LARP1: variants seen among roughly 807,000 people sequenced by gnomAD.
LARP1 encodes la-related protein 1.
LARP1 carries 36 observed loss-of-function variants against 122.7 expected under a neutral mutation model. The ratio of observed to expected loss-of-function variants is 0.29; its 90% CI spans 0.22 to 0.39. The LOEUF (loss-of-function observed/expected upper bound fraction) is 0.39, where lower values mean the gene tolerates loss of function less well. Among genes scored for constraint, LARP1 ranks in the 10% least tolerant of loss-of-function variants. LARP1 has a pLI of 1.00. For missense variants in LARP1, 1,040 were observed against 1,403.6 expected, an observed-to-expected ratio of 0.74 and a Z score of 4.14; for synonymous variants, 539 against 528.7, an observed-to-expected ratio of 1.02 and a Z score of -0.27.
At chr5:154,794,810 C>G (rs1287790118) in intron 7 of LARP1, among the ~76,000 whole-genome samples, 1 of 152,208 alleles carries the variant, frequency 6.6e-6, no homozygotes, top group Non-Finnish European at 1.5e-5. Flanking sequence ...TATATTGTCT[C>G]TCAGTCCAGT....
Position 154,755,630 on chromosome 5 carries a change from A to G in LARP1, c.-128A>G. 1 of 982,970 alleles carries G rather than the reference A, an allele frequency of 1.0e-6. No individual in the cohort carries two copies. Among genetic ancestry groups the G allele is most frequent in the Non-Finnish European group, 1.2e-6 (1 of 828,674 alleles). The allele number at this position is 982,970 out of a possible 1,614,324, so 60.9% of individuals were successfully genotyped here. On this transcript the variant is annotated 5_prime_UTR_variant, in exon 1 of 19. Transcript: ENST00000518297. Reference sequence around the variant, plus strand: ...GGGGCCGCACCTCGCGTGAACCCCGACCCTTCTCTGCAGGGACTGGGGCCC... The same window carrying G: ...GGGGCCGCACCTCGCGTGAACCCCGGCCCTTCTCTGCAGGGACTGGGGCCC...
At chr5:154,744,670 C>A (rs1238060285) in intron 1 of LARP1, among the ~76,000 whole-genome samples, 3 of 80,836 alleles carry the variant, frequency 3.7e-5, no homozygotes, top group African/African-American at 1.9e-4. Context: ...CGGAGTCTCG[C>A]TCTGTCGCCC....
chr5:154,701,162 T>C (rs1007260492), intron 1 of LARP1, among the ~76,000 whole-genome samples: 1 of 152,128 alleles, frequency 6.6e-6, no homozygotes, highest in African/African-American at 2.4e-5. Context: ...TTGTCTTAAT[T>C]TAGTGCCAAT....
rs1053940902 is a variant in LARP1, at chr5:154,755,540, G to A, written c.-218G>A. The A allele has an allele frequency of 1.0e-6, 1 of 987,084 alleles. No homozygotes were observed. The highest frequency in any genetic ancestry group is 1.2e-6 in the Non-Finnish European group (1 of 829,842). The allele number at this position is 987,084 out of a possible 1,614,324, so 61.1% of individuals were successfully genotyped here. Reference sequence around the variant, plus strand: ...AGGAGGCCTGGACTGCAGAGTGGGGGGCCTTCCTCCCCCCCCGCCCCGCTA... The same window carrying A: ...AGGAGGCCTGGACTGCAGAGTGGGGAGCCTTCCTCCCCCCCCGCCCCGCTA... On this transcript the variant is annotated 5_prime_UTR_variant, in exon 1 of 19. Transcript: ENST00000518297.
At chr5:154,719,294 A>T (rs1374721304) in intron 1 of LARP1, among the ~76,000 whole-genome samples, 2 of 152,092 alleles carry the variant, frequency 1.3e-5, no homozygotes, top group Non-Finnish European at 2.9e-5. Context: ...TAGGCCCTAC[A>T]TACCCTCTTT....
At chr5:154,751,900 T>G (rs116081973), upstream of LARP1, among the ~76,000 whole-genome samples, 1 of 152,140 alleles carries the variant, frequency 6.6e-6, no homozygotes, top group Non-Finnish European at 1.5e-5. Flanking sequence ...TTTAGAAATA[T>G]ATGCATATAA....
intron 1 of LARP1, among the ~76,000 whole-genome samples, chr5:154,743,129 A>G (rs1458239950): frequency 2.0e-5 from 3 of 152,192 alleles, no homozygotes; most frequent in Non-Finnish European, 4.4e-5. Context: ...TTGATGATGG[A>G]CTACATCTTG....
At chr5:154,801,276 C>G (rs1758332634) in intron 10 of LARP1, among the ~76,000 whole-genome samples, 2 of 152,236 alleles carry the variant, frequency 1.3e-5, no homozygotes, top group African/African-American at 4.8e-5. Context: ...CTATCTTCAT[C>G]TGGCTTACTT....
chr5:154,732,220 GT>G (rs1338930833), intron 1 of LARP1, among the ~76,000 whole-genome samples: 6 of 148,674 alleles, frequency 4.0e-5, no homozygotes, highest in African/African-American at 1.5e-4. Context: ...GGTGAATCTG[GT>G]GCAAACCATA....
chr5:154,760,658 C>G (rs1443937990), intron 1 of LARP1, among the ~76,000 whole-genome samples: 2 of 152,154 alleles, frequency 1.3e-5, no homozygotes, highest in Non-Finnish European at 2.9e-5. Context: ...ACCATAGATC[C>G]AACTGCCAGT....
intron 1 of LARP1, among the ~76,000 whole-genome samples, chr5:154,713,639 G>T (rs559266314): frequency 6.6e-6 from 1 of 152,246 alleles, no homozygotes; most frequent in Non-Finnish European, 1.5e-5. Context: ...TCCCCAGGTG[G>T]GGAACTCCTA....
upstream of LARP1, among the ~76,000 whole-genome samples, chr5:154,754,723 C>T (rs760527373): frequency 3.9e-5 from 6 of 152,188 alleles, no homozygotes; most frequent in Non-Finnish European, 5.9e-5. Flanking sequence ...GAGGCCAGGC[C>T]CAGCGGCGGC....
chr5:154,800,831 AT>A (rs1758288687), intron 10 of LARP1, among the ~76,000 whole-genome samples: 1 of 152,142 alleles, frequency 6.6e-6, no homozygotes. Context: ...TCCCACAGTG[AT>A]TACCTCTCAT....
chr5:154,684,345 A>C (rs1753825433), intron 1 of LARP1, among the ~76,000 whole-genome samples: 1 of 152,116 alleles, frequency 6.6e-6, no homozygotes, highest in Non-Finnish European at 1.5e-5. Context: ...CTTAGGCAGG[A>C]GGATCCCTTG....
chr5:154,703,961 T>G (rs1242724373), intron 1 of LARP1, among the ~76,000 whole-genome samples: 2 of 152,042 alleles, frequency 1.3e-5, no homozygotes, highest in African/African-American at 4.8e-5. Context: ...CAACAAGCAT[T>G]GATTGAGTGC....
chr5:154,797,879 C>A (rs1758016611), intron 8 of LARP1, among the ~76,000 whole-genome samples: 1 of 151,826 alleles, frequency 6.6e-6, no homozygotes, highest in African/African-American at 2.4e-5. Flanking sequence ...GAGATGAGGT[C>A]TTGCAGTGTT....
chr5:154,757,453 C>T (rs1434861435), intron 1 of LARP1, among the ~76,000 whole-genome samples: 3 of 151,822 alleles, frequency 2.0e-5, no homozygotes, highest in Non-Finnish European at 4.4e-5. Context: ...TAGGGCGGGT[C>T]TCCATTCTTT....
intron 1 of LARP1, among the ~76,000 whole-genome samples, chr5:154,695,025 A>AG (rs1283305438): frequency 1.3e-5 from 2 of 152,096 alleles, no homozygotes; most frequent in African/African-American, 4.8e-5. Context: ...TTTTTAAAAA[A>AG]CACTTCTAGG....
intron 1 of LARP1, among the ~76,000 whole-genome samples, chr5:154,762,773 A>G (rs908504861): frequency 6.6e-6 from 1 of 152,174 alleles, no homozygotes; most frequent in Non-Finnish European, 1.5e-5. Context: ...CTTACTCTCA[A>G]GACATACATT....
Sources: gnomAD v4.1 joint callset for allele counts (sites outside exome capture counted in the v4.1 genomes callset) on GRCh38, gnomAD v4.1.1 for gene constraint, MANE v1.5 for transcripts, NCBI Gene and HGNC (gene_info 2026-07-23, HGNC 2026-07-21) for gene names.